The following CDC14A variants were observed in gnomAD, a reference collection of about 807,000 sequenced individuals.
The protein encoded by CDC14A is dual specificity protein phosphatase CDC14A.
Under a neutral mutation model 74.4 loss-of-function variants are expected in CDC14A, and 53 were observed. The ratio of observed to expected loss-of-function variants is 0.71; its 90% confidence interval spans 0.57 to 0.89. The LOEUF (loss-of-function observed/expected upper bound fraction) is 0.89. Ranked by LOEUF, CDC14A falls within the 40% of genes least tolerant of loss-of-function variation. The probability of loss-of-function intolerance (pLI) is 0.00; values close to 1 mark genes in which losing one functional copy is unlikely to be tolerated. For missense variants in CDC14A, 646 were observed against 713.7 expected (o/e 0.91, Z 1.08); for synonymous variants, 247 against 258.4 (o/e 0.96, Z 0.43).
chr1:100,351,664 G>A, upstream of CDC14A: 1 of 1,340,538 alleles, frequency 7.5e-7, no homozygotes, highest in Non-Finnish European at 1.0e-6. Context: ...GTCTCGCCCC[G>A]CCCCTCCGGG....
rs1430408310 is a variant in CDC14A at position 100,499,214 on chromosome 1, C to T, written c.1707C>T (p.Tyr569=). Residue 569 remains tyrosine, a synonymous_variant, in exon 15 of 16, where the codon TAC becomes TAT. Coordinates refer to ENST00000336454, the MANE Select transcript of CDC14A (RefSeq NM_003672.4). ...EEHTTILRPS[Y]TGLSSSSARF... ...ACACCACCATCCTCCGACCCTCCTACACCGGGCTTTCTTCTTCTTCAGCGA... is the reference window on the plus strand; with the variant it reads ...ACACCACCATCCTCCGACCCTCCTATACCGGGCTTTCTTCTTCTTCAGCGA... 6.2e-7 allele frequency: 1 copy of T among 1,614,114 alleles called. No homozygotes were observed. The highest frequency in any genetic ancestry group is 8.5e-7 in the Non-Finnish European group (1 of 1,180,042).
At chr1:100,383,957 G>A (rs1194873245) in intron 3 of CDC14A, among the ~76,000 whole-genome samples, 1 of 151,428 alleles carries the variant, frequency 6.6e-6, no homozygotes, top group Non-Finnish European at 1.5e-5. Context: ...GAATGGTTAA[G>A]TAGTTTGTGC....
rs370648869 is a variant in CDC14A, at chr1:100,410,009, C to T, written c.310-14213C>T. ...CCAGAGTCAAATTTTAAGTTTTTAG[C>T]CTGGGACCTGGGAAACATAGTGAAA... On this transcript the variant is annotated intron_variant, in intron 4 of 15. Coordinates refer to ENST00000336454, the MANE Select transcript of CDC14A (RefSeq NM_003672.4). Among the ~76,000 whole-genome samples the T allele has an allele frequency of 4.3e-4, 66 of 152,068 alleles. No homozygotes were observed. The South Asian group carries it at 0.013, about 31-fold the overall frequency.
intron 2 of CDC14A, among the ~76,000 whole-genome samples, chr1:100,356,570 G>C (rs1337381342): frequency 6.6e-6 from 1 of 151,906 alleles, no homozygotes; most frequent in Non-Finnish European, 1.5e-5. Context: ...AAAAATTCAG[G>C]GGGGACCAGG....
At chr1:100,436,002 A>T (rs1664288729) in intron 5 of CDC14A, among the ~76,000 whole-genome samples, 1 of 152,166 alleles carries the variant, frequency 6.6e-6, no homozygotes, top group Admixed American at 6.5e-5. Flanking sequence ...GTTGGAAAGG[A>T]TCCAGAAGAG....
At chr1:100,457,348 C>T (rs986666046) in intron 8 of CDC14A, among the ~76,000 whole-genome samples, 18 of 152,138 alleles carry the variant, frequency 1.2e-4, no homozygotes, top group South Asian at 2.1e-4. Context: ...TAACATATCA[C>T]GACTTCTTTT....
chr1:100,379,178 T>C (rs116604714), intron 3 of CDC14A, among the ~76,000 whole-genome samples: 2,378 of 152,368 alleles, frequency 0.016, 33 homozygotes, highest in Middle Eastern at 0.027. Flanking sequence ...CTCAGTGTTC[T>C]ACTTATAGCA....
intron 3 of CDC14A, among the ~76,000 whole-genome samples, chr1:100,379,493 A>G (rs1375000390): frequency 6.6e-6 from 1 of 152,254 alleles, no homozygotes; most frequent in Non-Finnish European, 1.5e-5. Flanking sequence ...AATGAAGCAT[A>G]CTACATAGAA....
chr1:100,515,102 C>T (rs984881458), intron 15 of CDC14A, among the ~76,000 whole-genome samples: 1 of 152,162 alleles, frequency 6.6e-6, no homozygotes, highest in African/African-American at 2.4e-5. Flanking sequence ...CCACCAGGCA[C>T]TCATCTGGCT....
chr1:100,370,451 A>G (rs1323123759), intron 2 of CDC14A, among the ~76,000 whole-genome samples: 1 of 152,092 alleles, frequency 6.6e-6, no homozygotes, highest in Non-Finnish European at 1.5e-5. Context: ...GAGATCTTAC[A>G]TTTAAATCTT....
At chr1:100,422,190 G>A (rs977722334) in intron 4 of CDC14A, among the ~76,000 whole-genome samples, 1 of 152,214 alleles carries the variant, frequency 6.6e-6, no homozygotes, top group Non-Finnish European at 1.5e-5. Flanking sequence ...TGTGTGCTAA[G>A]TCATGCAGGT....
intron 2 of CDC14A, among the ~76,000 whole-genome samples, chr1:100,355,969 T>C (rs1017002128): frequency 1.3e-5 from 2 of 152,100 alleles, no homozygotes; most frequent in East Asian, 1.9e-4. Context: ...AGAGTTAAGA[T>C]TGGCTTGAAG....
chr1:100,395,912 C>T (rs1162179781), intron 4 of CDC14A, among the ~76,000 whole-genome samples: 1 of 152,184 alleles, frequency 6.6e-6, no homozygotes. Context: ...CCTCTGCATG[C>T]CTGGCTCTTT....
At position 100,376,289 on chromosome 1, in the gene CDC14A, C is replaced by G. The variant is rs187736834; in HGVS notation, c.141-1257C>G. Among the ~76,000 whole-genome samples the G allele has an allele frequency of 9.4e-4, 143 of 151,858 alleles. 1 individual carries two copies. In the East Asian group the frequency reaches 0.024, roughly 26 times the overall value. On this transcript the variant is annotated intron_variant, in intron 2 of 15. Coordinates refer to ENST00000336454, the MANE Select transcript of CDC14A (RefSeq NM_003672.4). ...CACGTTGTGCACATGTACCCTAGAA[C>G]TTAAAGTATATATATATATATAAAG...
intron 5 of CDC14A, among the ~76,000 whole-genome samples, chr1:100,427,979 G>T (rs1162336537): frequency 6.6e-6 from 1 of 152,114 alleles, no homozygotes; most frequent in Admixed American, 6.6e-5. Context: ...AGCAATTCAG[G>T]CACTGATTTT....
chr1:100,361,206 A>G (rs1302437554), intron 2 of CDC14A, among the ~76,000 whole-genome samples: 1 of 152,232 alleles, frequency 6.6e-6, no homozygotes, highest in Non-Finnish European at 1.5e-5. Flanking sequence ...AGCATAACTT[A>G]AAACTTTCAT....
intron 4 of CDC14A, among the ~76,000 whole-genome samples, chr1:100,397,498 T>C (rs182055610): frequency 1.6e-4 from 25 of 152,332 alleles, no homozygotes; most frequent in African/African-American, 5.8e-4. Flanking sequence ...GTTCTTGCCA[T>C]GTGCTTAAAG....
chr1:100,487,694 C>T (rs1032722363), intron 11 of CDC14A, among the ~76,000 whole-genome samples: 2 of 152,186 alleles, frequency 1.3e-5, no homozygotes, highest in Admixed American at 6.5e-5. Context: ...TGTGGTTTTA[C>T]TGAATGTTCT....
In CDC14A at chr1:100,406,778, T is replaced by C. The variant is rs187670621; in HGVS notation, c.309+15954T>C. ...TCTCTACTAAAAATACAAAAAAAAT[T>C]AGCCAGGCTTGGTGGTGGGTGCCTG... On this transcript the variant is annotated intron_variant, in intron 4 of 15. Transcript: ENST00000336454. 1.2e-4 allele frequency among the ~76,000 whole-genome samples: 19 copies of C among 152,034 alleles called. No individual in the cohort carries two copies. The East Asian group carries it at 3.3e-3, about 26-fold the overall frequency.
Sources: allele counts gnomAD v4.1 joint callset (sites outside exome capture counted in the v4.1 genomes callset), GRCh38; gene constraint gnomAD v4.1.1; transcripts MANE v1.5; gene names NCBI Gene and HGNC (gene_info 2026-07-23, HGNC 2026-07-21).